INPP5A: variants seen among roughly 807,000 people sequenced by gnomAD.
INPP5A encodes the protein inositol polyphosphate-5-phosphatase A.
INPP5A carries 14 observed loss-of-function variants against 65.2 expected under a neutral mutation model. That is an observed-to-expected ratio of 0.21 (90% confidence interval 0.14 to 0.34). INPP5A has a LOEUF of 0.34. Among genes scored for constraint, INPP5A ranks in the 10% least tolerant of loss-of-function variants. INPP5A has a pLI of 1.00. For missense variants in INPP5A, 431 were observed against 545.6 expected (o/e 0.79, Z 2.09); for synonymous variants, 207 against 208.3 (o/e 0.99, Z 0.05).
In INPP5A at chr10:132,765,820, T is replaced by C. The variant is rs34232412; in HGVS notation, c.951T>C (p.Tyr317=). The change falls in exon 12 of 16, where the codon TAT becomes TAC. Residue 317 remains tyrosine, a synonymous_variant. Coordinates refer to ENST00000368594, the MANE Select transcript of INPP5A (RefSeq NM_005539.5). The stretch of plus-strand genomic sequence containing the variant: ...TGTCTGTCTTTAAGGACAGACTGTA[T>C]GAACTGGACATCTCGTTCCCTCCCA... ...KELSVFKDRL[Y]ELDISFPPSY... is the part of the protein sequence containing the mutation. 3.6e-4 allele frequency: 580 copies of C among 1,605,824 alleles called. 1 individual carries two copies. The African/African-American group carries it at 6.8e-3, about 19-fold the overall frequency.
chr10:132,764,695 C>A (rs1165745824), intron 11 of INPP5A, among the ~76,000 whole-genome samples: 1 of 134,236 alleles, frequency 7.4e-6, no homozygotes, highest in Non-Finnish European at 1.6e-5. Context: ...CCGGGTCAGT[C>A]CTGCTGTGGT....
chr10:132,769,810 C>CG (rs11442789), intron 12 of INPP5A, among the ~76,000 whole-genome samples: 30,066 of 151,016 alleles, frequency 0.2, 3,241 homozygotes, highest in Non-Finnish European at 0.25. Context: ...TCCCCCCCCC[C>CG]AAGTTCCTGA....
chr10:132,569,952 C>G (rs1243388292), intron 1 of INPP5A, among the ~76,000 whole-genome samples: 1 of 142,094 alleles, frequency 7.0e-6, no homozygotes, highest in Non-Finnish European at 1.5e-5. Context: ...GCACTGGGCC[C>G]CCACTGTTTT....
chr10:132,621,739 G>T (rs2072112873), intron 2 of INPP5A, among the ~76,000 whole-genome samples: 1 of 150,758 alleles, frequency 6.6e-6, no homozygotes, highest in East Asian at 2.0e-4. Context: ...TCTGTCCTTT[G>T]TCCATAAGGA....
chr10:132,628,261 G>A (rs922792762), intron 2 of INPP5A, among the ~76,000 whole-genome samples: 2 of 152,208 alleles, frequency 1.3e-5, no homozygotes, highest in Non-Finnish European at 2.9e-5. Flanking sequence ...CTGATGGGAG[G>A]CTCCCCTTTC....
intron 5 of INPP5A, among the ~76,000 whole-genome samples, chr10:132,695,600 G>A (rs944905216): frequency 1.3e-5 from 2 of 152,190 alleles, no homozygotes; most frequent in African/African-American, 4.8e-5. Context: ...ATCTCAAAGA[G>A]TCAGCAACAA....
At chr10:132,641,858 T>G (rs2072430765) in intron 2 of INPP5A, among the ~76,000 whole-genome samples, 1 of 152,240 alleles carries the variant, frequency 6.6e-6, no homozygotes, top group African/African-American at 2.4e-5. Context: ...TGCAGATGTG[T>G]GGGAACCCCG....
chr10:132,701,351 G>A (rs913682031), intron 6 of INPP5A, among the ~76,000 whole-genome samples: 1 of 152,222 alleles, frequency 6.6e-6, no homozygotes, highest in African/African-American at 2.4e-5. Context: ...GGAGAGCGGA[G>A]CCACGGCCGT....
At chr10:132,612,276 T>C (rs1225680502) in intron 2 of INPP5A, among the ~76,000 whole-genome samples, 1 of 151,880 alleles carries the variant, frequency 6.6e-6, no homozygotes, top group African/African-American at 2.4e-5. Flanking sequence ...AGAGGCCTTG[T>C]CAGAGGAGGG....
chr10:132,625,982 C>T (rs2072179125), intron 2 of INPP5A, among the ~76,000 whole-genome samples: 2 of 152,138 alleles, frequency 1.3e-5, no homozygotes, highest in Admixed American at 6.5e-5. Context: ...AATGCGCACA[C>T]CTGTATAGTG....
chr10:132,583,664 G>A (rs193185113), intron 1 of INPP5A, among the ~76,000 whole-genome samples: 8 of 152,328 alleles, frequency 5.3e-5, no homozygotes, highest in African/African-American at 1.9e-4. Flanking sequence ...TTTTCTGTAT[G>A]TGCTAACGTG....
At chr10:132,614,710 C>T (rs1055022755) in intron 2 of INPP5A, among the ~76,000 whole-genome samples, 12 of 152,264 alleles carry the variant, frequency 7.9e-5, no homozygotes, top group African/African-American at 2.9e-4. Flanking sequence ...TGTTAACATC[C>T]TGCCCCCAAG....
At chr10:132,552,698 G>A (rs534794025) in intron 1 of INPP5A, among the ~76,000 whole-genome samples, 3 of 145,124 alleles carry the variant, frequency 2.1e-5, no homozygotes, top group African/African-American at 7.8e-5. Flanking sequence ...ATTGGTGAAC[G>A]CCTTCTCAGA....
rs917059287 is a variant in INPP5A, at chr10:132,551,520, G to C, written c.75+13349G>C. On this transcript the variant is annotated intron_variant, in intron 1 of 15. Coordinates refer to ENST00000368594, the MANE Select transcript of INPP5A (RefSeq NM_005539.5). This position sits in a 1 kb window ranked among gnomAD's most constrained non-coding sequence, Gnocchi z 5.3. ...TTTGGGTGGGACTCTCAGAGGAGCT[G>C]GTTCTCTTGAGAAAGACATCTGTCC... 1.3e-5 allele frequency among the ~76,000 whole-genome samples: 2 copies of C among 152,224 alleles called. No homozygotes were observed. Among genetic ancestry groups the C allele is most frequent in the Non-Finnish European group, 2.9e-5 (2 of 68,042 alleles).
Position 132,591,721 on chromosome 10 carries a change from C to T in INPP5A, c.76-16194C>T, listed in dbSNP as rs60746814. Among the ~76,000 whole-genome samples, 599 of 152,302 alleles carry T rather than the reference C, an allele frequency of 3.9e-3. 3 individuals carry two copies. The highest frequency in any genetic ancestry group is 0.014 in the African/African-American group (567 of 41,556). ...TCTCCTGTTGTCTGTCCTTTTTCTG[C>T]CTGCTTCTCTGCCCCTCCAGGTGTG... On this transcript the variant is annotated intron_variant, in intron 1 of 15. Coordinates refer to ENST00000368594, the MANE Select transcript of INPP5A (RefSeq NM_005539.5).
intron 1 of INPP5A, among the ~76,000 whole-genome samples, chr10:132,583,816 T>C (rs2071515772): frequency 6.6e-6 from 1 of 152,188 alleles, no homozygotes; most frequent in South Asian, 2.1e-4. Context: ...GCACAGTGGT[T>C]TATTGCTGTA....
At chr10:132,778,022 G>A (rs1170487543) in intron 13 of INPP5A, 21 of 1,117,054 alleles carry the variant, frequency 1.9e-5, no homozygotes, top group Admixed American at 3.0e-5. Context: ...GGCAGCCAGC[G>A]TCATCCTGAG....
At chr10:132,564,372 A>G (rs574551511) in intron 1 of INPP5A, among the ~76,000 whole-genome samples, 2 of 152,146 alleles carry the variant, frequency 1.3e-5, no homozygotes, top group South Asian at 4.2e-4. Context: ...GGTTGTGAGC[A>G]CGTCTCTGGT....
At chr10:132,687,752 C>T (rs1180391080) in intron 4 of INPP5A, among the ~76,000 whole-genome samples, 4 of 152,142 alleles carry the variant, frequency 2.6e-5, no homozygotes, top group South Asian at 4.1e-4. Flanking sequence ...CACATGCAAG[C>T]GAGCACTCGC....
Sources: gnomAD v4.1 joint callset for allele counts (sites outside exome capture counted in the v4.1 genomes callset) on GRCh38, gnomAD v4.1.1 for gene constraint, Gnocchi (gnomAD v3.1) non-coding constraint, MANE v1.5 for transcripts, NCBI Gene and HGNC (gene_info 2026-07-23, HGNC 2026-07-21) for gene names.